NWD2: variants seen among roughly 807,000 people sequenced by gnomAD.
The protein encoded by NWD2 is NACHT and WD repeat domain-containing protein 2.
NWD2 carries 37 observed loss-of-function variants against 132.7 expected under a neutral mutation model. That is an observed-to-expected ratio of 0.28 (90% CI 0.21 to 0.37). NWD2 has a LOEUF of 0.37. Among genes scored for constraint, NWD2 ranks in the 10% least tolerant of loss-of-function variants. The probability of loss-of-function intolerance (pLI) is 1.00; values close to 1 mark genes in which losing one functional copy is unlikely to be tolerated. For synonymous variants in NWD2, 705 were observed against 803.0 expected (o/e 0.88, Z 2.06); for missense variants, 1,592 against 2,122.4 (o/e 0.75, Z 4.91).
At chr4:37,277,827 G>T (rs939472897) in intron 1 of NWD2, among the ~76,000 whole-genome samples, 28 of 151,916 alleles carry the variant, frequency 1.8e-4, no homozygotes, top group African/African-American at 5.8e-4. Context: ...TATTGTAATA[G>T]TTCTGTATTT....
intron 1 of NWD2, among the ~76,000 whole-genome samples, chr4:37,273,381 C>G (rs1008570854): frequency 2.6e-5 from 4 of 152,048 alleles, no homozygotes; most frequent in Admixed American, 6.6e-5. Context: ...GAAGAGCTAA[C>G]TATCCTAAAT....
At chr4:37,348,664 A>ATT (rs1400369572) in intron 2 of NWD2, among the ~76,000 whole-genome samples, 1 of 85,162 alleles carries the variant, frequency 1.2e-5, no homozygotes, top group Non-Finnish European at 2.4e-5. Context: ...ATATATATAT[A>ATT]TATATATATA....
chr4:37,272,071 A>G (rs998087005), intron 1 of NWD2, among the ~76,000 whole-genome samples: 2 of 151,638 alleles, frequency 1.3e-5, no homozygotes, highest in African/African-American at 4.8e-5. Context: ...TATGTTTTTT[A>G]TTCCTTGATT....
At chr4:37,296,413 C>T (rs1718489301) in intron 1 of NWD2, among the ~76,000 whole-genome samples, 1 of 152,122 alleles carries the variant, frequency 6.6e-6, no homozygotes, top group African/African-American at 2.4e-5. Flanking sequence ...CAGCACAGTT[C>T]ACAATTGTGA....
chr4:37,260,476 CAT>C (rs1477913983), intron 1 of NWD2, among the ~76,000 whole-genome samples: 2 of 152,164 alleles, frequency 1.3e-5, no homozygotes, highest in African/African-American at 4.8e-5. Flanking sequence ...TTTGTGAGTG[CAT>C]CTACTCGATT....
intron 5 of NWD2, among the ~76,000 whole-genome samples, chr4:37,435,740 T>G (rs1712304333): frequency 6.6e-6 from 1 of 152,026 alleles, no homozygotes; most frequent in Admixed American, 6.5e-5. Flanking sequence ...TGTGTCCACA[T>G]AGATAGCCAT....
In NWD2 at chr4:37,320,877, G is replaced by A. The variant is rs181093097; in HGVS notation, c.152-5059G>A. Among the ~76,000 whole-genome samples, 9 of 152,298 alleles carry A rather than the reference G, an allele frequency of 5.9e-5. No homozygotes were observed. In the East Asian group the frequency reaches 1.5e-3, roughly 26 times the overall value. On this transcript the variant is annotated intron_variant, in intron 1 of 6. Transcript: ENST00000309447. The stretch of plus-strand genomic sequence containing the variant: ...AAGAACATGGGAAAAATGAGTTTAG[G>A]TTGGGTGCACTGGCTTACACCTGTA...
At chr4:37,394,057 T>G (rs1720731378) in intron 3 of NWD2, among the ~76,000 whole-genome samples, 1 of 152,256 alleles carries the variant, frequency 6.6e-6, no homozygotes, top group African/African-American at 2.4e-5. Flanking sequence ...TTTGTGGCTC[T>G]CATCTGCCTA....
chr4:37,317,974 A>G (rs1718991320), intron 1 of NWD2, among the ~76,000 whole-genome samples: 3 of 150,170 alleles, frequency 2.0e-5, no homozygotes, highest in Non-Finnish European at 4.4e-5. Context: ...ATTGAGTACT[A>G]ATTACGTTCT....
At chr4:37,308,232 T>C (rs553047707) in intron 1 of NWD2, among the ~76,000 whole-genome samples, 1 of 152,360 alleles carries the variant, frequency 6.6e-6, no homozygotes, top group African/African-American at 2.4e-5. Context: ...TCACGTCTTC[T>C]AATTTTATGG....
rs954049070 is a variant in NWD2 at position 37,444,686 on chromosome 4, A to C, written c.2698A>C (p.Lys900Gln). 1.3e-6 allele frequency: 2 copies of C among 1,552,028 alleles called. No homozygotes were observed. The highest frequency in any genetic ancestry group is 3.9e-5 in the Admixed American group (2 of 50,982). Residue 900 changes from lysine to glutamine, a missense_variant, in exon 7 of 7, where the codon AAA becomes CAA. This residue lies in a region of NWD2 where 1,071 missense variants were observed against 1,398.0 expected (regional missense o/e 0.77). Transcript: ENST00000309447. This position sits in a 1 kb window ranked among gnomAD's most constrained non-coding sequence, Gnocchi z 4.8. ...KFLANTLRSI[K>Q]NKVTAFPGSL... ...CCTGGCCAACACCCTCCGCAGCATCAAAAACAAGGTCACTGCATTTCCCGG... is the reference window on the plus strand; with the variant it reads ...CCTGGCCAACACCCTCCGCAGCATCCAAAACAAGGTCACTGCATTTCCCGG...
chr4:37,305,197 G>T (rs1718685023), intron 1 of NWD2, among the ~76,000 whole-genome samples: 1 of 152,202 alleles, frequency 6.6e-6, no homozygotes, highest in African/African-American at 2.4e-5. Flanking sequence ...ATGGCGCCAA[G>T]TACCTAAGCT....
rs1350927444 is a variant in NWD2, at chr4:37,444,620, G to A, written c.2632G>A (p.Glu878Lys). 1 of 1,551,992 alleles carries A rather than the reference G, an allele frequency of 6.4e-7. No homozygotes were observed. The highest frequency in any genetic ancestry group is 2.4e-5 in the East Asian group (1 of 40,938). The change falls in exon 7 of 7, where the codon GAG (glutamate) becomes AAG (lysine). Residue 878 changes from glutamate to lysine, a missense_variant. Physicochemically the swap from Glu to Lys is moderately conservative, Grantham distance 56. Transcript: ENST00000309447. This position sits in a 1 kb window ranked among gnomAD's most constrained non-coding sequence, Gnocchi z 4.8. ...GTTTGACAAAGTGCTTTCAGACATT[G>A]AGCTGGCTTACAACTACTCGCAAGA... ...GQFDKVLSDI[E>K]LAYNYSQEKE...
rs1039560800 is a variant in NWD2, at chr4:37,447,367, A to T, written c.*150A>T. On this transcript the variant is annotated 3_prime_UTR_variant, in exon 7 of 7. Transcript: ENST00000309447. ...TAAGATGTTCATGAAATGGACAAAT[A>T]GGTTAGTCTTGGGTGTGGTCTTTTT... 6.1e-6 allele frequency: 4 copies of T among 653,664 alleles called. No individual in the cohort carries two copies. Among genetic ancestry groups the T allele is most frequent in the East Asian group, 5.5e-5 (2 of 36,566 alleles). The allele number at this position is 653,664 out of a possible 1,614,324, so 40.5% of individuals were successfully genotyped here. A position where few individuals can be genotyped will look rare whatever the true frequency, so the allele number is the denominator to read the frequency against.
In NWD2 at chr4:37,445,976, A is replaced by G. The variant is rs1254983744; in HGVS notation, c.3988A>G (p.Ile1330Val). The G allele has an allele frequency of 3.2e-6, 5 of 1,551,518 alleles. No homozygotes were observed. Among genetic ancestry groups the G allele is most frequent in the Non-Finnish European group, 4.4e-6 (5 of 1,146,962 alleles). ...QSLLLPARGE[I>V]IYSLDGSDCV... ...TCTGTTGTTGCCTGCTAGAGGGGAA[A>G]TCATTTACTCCCTGGATGGATCCGA... The change falls in exon 7 of 7, where the codon ATC becomes GTC. Residue 1330 changes from isoleucine to valine, a missense_variant. Transcript: ENST00000309447. This position sits in a 1 kb window ranked among gnomAD's most constrained non-coding sequence, Gnocchi z 4.7.
chr4:37,286,905 A>T (rs1483714481), intron 1 of NWD2, among the ~76,000 whole-genome samples: 1 of 152,202 alleles, frequency 6.6e-6, no homozygotes, highest in Non-Finnish European at 1.5e-5. Flanking sequence ...AACAGTGGCA[A>T]TCAGAGGTTC....
chr4:37,439,110 T>C lies in NWD2; in HGVS notation c.1016T>C (p.Ile339Thr). 1 of 1,551,884 alleles carries C rather than the reference T, an allele frequency of 6.4e-7. No homozygotes were observed. Among genetic ancestry groups the C allele is most frequent in the South Asian group, 1.2e-5 (1 of 84,040 alleles). ...TCCCAAGAAATAGAAAATCATTACA[T>C]CGAAGGACTTGGTAAACAATTTTAT... Reference protein sequence around the residue: ...GYSQEIENHYIEGLGKQFYED... With the variant: ...GYSQEIENHYTEGLGKQFYED... Residue 339 changes from isoleucine (I) to threonine (T), a missense_variant, in exon 6 of 7, where the codon ATC becomes ACC. Physicochemically the swap from Ile to Thr is moderately conservative, Grantham distance 89. Transcript: ENST00000309447. The surrounding 1 kb of genome is among the most constrained non-coding windows in gnomAD (Gnocchi z 4.5).
chr4:37,335,773 C>T (rs1719394819), intron 2 of NWD2, among the ~76,000 whole-genome samples: 1 of 150,830 alleles, frequency 6.6e-6, no homozygotes, highest in Non-Finnish European at 1.5e-5. Flanking sequence ...AAACCATGCC[C>T]CTACCTCTGT....
In NWD2 at chr4:37,445,776, C is replaced by G; in HGVS notation, c.3788C>G (p.Thr1263Arg). ...TSAVFFWRRD[T>R]GQCMASLQEI... The stretch of plus-strand genomic sequence containing the variant: ...GCTGTGTTTTTTTGGAGGCGGGACA[C>G]AGGACAGTGTATGGCAAGCTTGCAG... The change falls in exon 7 of 7, where the codon ACA (threonine) becomes AGA (arginine). Residue 1263 changes from threonine (T) to arginine (R), a missense_variant. Coordinates refer to ENST00000309447, the MANE Select transcript of NWD2 (RefSeq NM_001144990.2). This position sits in a 1 kb window ranked among gnomAD's most constrained non-coding sequence, Gnocchi z 4.7. 1 of 1,551,792 alleles carries G rather than the reference C, an allele frequency of 6.4e-7. No homozygotes were observed. The highest frequency in any genetic ancestry group is 8.7e-7 in the Non-Finnish European group (1 of 1,147,004).
Sources: gnomAD v4.1 joint callset for allele counts (sites outside exome capture counted in the v4.1 genomes callset) on GRCh38, gnomAD v4.1.1 for gene constraint, gnomAD v4.1.1 regional missense constraint, Gnocchi (gnomAD v3.1) non-coding constraint, MANE v1.5 for transcripts, NCBI Gene and HGNC (gene_info 2026-07-23, HGNC 2026-07-21) for gene names.